Variants in NR3C2 observed in about 807,000 individuals in gnomAD.
NR3C2 encodes the protein mineralocorticoid receptor.
In NR3C2, 15 loss-of-function variants were observed where a neutral mutation model predicts 86.4. The ratio of observed to expected loss-of-function variants is 0.17; its 90% CI spans 0.12 to 0.27. The LOEUF is 0.27. NR3C2 is among the 10% of genes least tolerant of loss of function. NR3C2 has a pLI of 1.00. For synonymous variants in NR3C2, 458 were observed against 450.5 expected (o/e 1.02, Z -0.21); for missense variants, 960 against 1,195.6 (o/e 0.80, Z 2.91).
intron 2 of NR3C2, among the ~76,000 whole-genome samples, chr4:148,346,014 A>G (rs1457422774): frequency 6.6e-6 from 1 of 152,132 alleles, no homozygotes; most frequent in Non-Finnish European, 1.5e-5. Flanking sequence ...ATGTTGCTAC[A>G]TAAGAGGAGA....
intron 8 of NR3C2, among the ~76,000 whole-genome samples, chr4:148,095,522 G>C (rs530765029): frequency 6.6e-6 from 1 of 152,340 alleles, no homozygotes; most frequent in South Asian, 2.1e-4. Flanking sequence ...GAGTTTTGGA[G>C]AGTCCTGAAG....
chr4:148,344,248 T>C (rs1744885720), intron 2 of NR3C2, among the ~76,000 whole-genome samples: 1 of 152,168 alleles, frequency 6.6e-6, no homozygotes, highest in African/African-American at 2.4e-5. Context: ...CTGAAAATAC[T>C]CAAATGTATT....
chr4:148,188,642 T>G (rs1434650024), intron 4 of NR3C2, among the ~76,000 whole-genome samples: 1 of 152,076 alleles, frequency 6.6e-6, no homozygotes, highest in Admixed American at 6.6e-5. Flanking sequence ...GGGGGGTCCT[T>G]AGGGTTTTCA....
chr4:148,153,659 T>C (rs1442828373), intron 5 of NR3C2, among the ~76,000 whole-genome samples: 1 of 152,160 alleles, frequency 6.6e-6, no homozygotes, highest in East Asian at 1.9e-4. Flanking sequence ...ACTGGGACAA[T>C]GTAATGGCAA....
intron 3 of NR3C2, among the ~76,000 whole-genome samples, chr4:148,239,405 T>C (rs1448331349): frequency 6.6e-6 from 1 of 152,228 alleles, no homozygotes; most frequent in Non-Finnish European, 1.5e-5. Context: ...TGGGGCTACC[T>C]TTCCTTTGCC....
chr4:148,192,810 G>T (rs993028853), intron 4 of NR3C2, among the ~76,000 whole-genome samples: 2 of 151,968 alleles, frequency 1.3e-5, no homozygotes, highest in Non-Finnish European at 2.9e-5. Flanking sequence ...AAACTAAAGG[G>T]CTGGTTTCAC....
chr4:148,210,030 G>A (rs1737205382), intron 3 of NR3C2, among the ~76,000 whole-genome samples: 2 of 152,156 alleles, frequency 1.3e-5, no homozygotes, highest in African/African-American at 4.8e-5. Context: ...CAAGTTATAT[G>A]TCAGCAAGGT....
chr4:148,305,540 T>TAAAA (rs3054606), intron 2 of NR3C2, among the ~76,000 whole-genome samples: 7 of 134,818 alleles, frequency 5.2e-5, no homozygotes, highest in South Asian at 2.5e-4. Flanking sequence ...CATTCTTTCT[T>TAAAA]AAAAAAAAAA....
intron 2 of NR3C2, among the ~76,000 whole-genome samples, chr4:148,381,770 T>C (rs1382530780): frequency 6.6e-6 from 1 of 152,238 alleles, no homozygotes; most frequent in African/African-American, 2.4e-5. Flanking sequence ...TAGTAAATGA[T>C]ACCATAGTTT....
intron 7 of NR3C2, 67 bp downstream of exon 7, chr4:148,120,090 AG>A: frequency 6.3e-7 from 1 of 1,597,844 alleles, no homozygotes; most frequent in East Asian, 2.2e-5. Context: ...TACAATAAAT[AG>A]CCTACTGCCC....
chr4:148,403,265 G>A (rs1188012601), intron 2 of NR3C2, among the ~76,000 whole-genome samples: 7 of 152,000 alleles, frequency 4.6e-5, no homozygotes, highest in African/African-American at 1.7e-4. Context: ...ACACATATTG[G>A]ATGCTGAAAA....
chr4:148,127,386 AATTTTACCT>A lies in NR3C2; in HGVS notation c.2511-7107_2511-7099del, dbSNP rs63748995. ...TGCTACGTGCTTTTATTCATGTTAT[AATTTTACCT>A]CATTTTGAATAGAATAATGTAAAAA... On this transcript the variant is annotated intron_variant, in intron 6 of 8. Coordinates refer to ENST00000358102, the MANE Select transcript of NR3C2 (RefSeq NM_000901.5). Among the ~76,000 whole-genome samples the A allele has an allele frequency of 3.8e-3, 581 of 152,344 alleles. 1 individual carries two copies. Among genetic ancestry groups the A allele is most frequent in the Non-Finnish European group, 6.2e-3 (419 of 68,012 alleles).
chr4:148,430,467 A>G (rs970426880), intron 2 of NR3C2, among the ~76,000 whole-genome samples: 1 of 152,166 alleles, frequency 6.6e-6, no homozygotes, highest in African/African-American at 2.4e-5. Flanking sequence ...CGAATGAAAA[A>G]TGAATATCAG....
At chr4:148,344,233 A>G (rs568887759) in intron 2 of NR3C2, among the ~76,000 whole-genome samples, 18 of 152,274 alleles carry the variant, frequency 1.2e-4, no homozygotes, top group Admixed American at 3.3e-4. Context: ...AGTTTTTTAA[A>G]CTTTCTGAAA....
At chr4:148,136,095 C>A (rs6817070) in intron 6 of NR3C2, among the ~76,000 whole-genome samples, 139,164 of 139,418 alleles carry the variant, frequency 1, 69,455 homozygotes, top group South Asian at 1. Context: ...AAAAACACCA[C>A]CAAAACCAAC....
At chr4:148,333,330 C>T (rs1744319550) in intron 2 of NR3C2, among the ~76,000 whole-genome samples, 1 of 152,110 alleles carries the variant, frequency 6.6e-6, no homozygotes, top group Admixed American at 6.5e-5. Flanking sequence ...ATTTTTGTAT[C>T]ATCAACTGAT....
At chr4:148,339,420 A>AC (rs1744644265) in intron 2 of NR3C2, among the ~76,000 whole-genome samples, 1 of 152,150 alleles carries the variant, frequency 6.6e-6, no homozygotes, top group Non-Finnish European at 1.5e-5. Context: ...CTAAACATTA[A>AC]CCCTAGAAAA....
chr4:148,286,018 T>A (rs1192333388), intron 2 of NR3C2, among the ~76,000 whole-genome samples: 2 of 152,248 alleles, frequency 1.3e-5, no homozygotes, highest in African/African-American at 2.4e-5. Flanking sequence ...AATGAAATTT[T>A]ATACATCATT....
At chr4:148,194,422 G>A (rs930268050) in intron 4 of NR3C2, among the ~76,000 whole-genome samples, 1 of 152,128 alleles carries the variant, frequency 6.6e-6, no homozygotes, top group African/African-American at 2.4e-5. Context: ...CTAAACAGAC[G>A]TGGCAATAAG....
Sources: gnomAD v4.1 joint callset for allele counts (sites outside exome capture counted in the v4.1 genomes callset) on GRCh38, gnomAD v4.1.1 for gene constraint, MANE v1.5 for transcripts, NCBI Gene and HGNC (gene_info 2026-07-23, HGNC 2026-07-21) for gene names.